FUBP3: variants seen among roughly 807,000 people sequenced by gnomAD.
FUBP3 encodes the protein far upstream element binding protein 3, also known as far upstream element-binding protein 3.
In FUBP3, 28 loss-of-function variants were observed where a neutral mutation model predicts 85.6. The ratio of observed to expected loss-of-function variants is 0.33; its 90% CI spans 0.24 to 0.45. FUBP3 has a LOEUF of 0.45. Ranked by LOEUF, FUBP3 falls within the 20% of genes least tolerant of loss-of-function variation. The probability of loss-of-function intolerance (pLI) is 1.00; values close to 1 mark genes in which losing one functional copy is unlikely to be tolerated. For synonymous variants in FUBP3, 271 were observed against 271.4 expected, an observed-to-expected ratio of 1.00 and a Z score of 0.01; for missense variants, 583 against 755.1, an observed-to-expected ratio of 0.77 and a Z score of 2.67.
rs867776214 is a variant in FUBP3 at position 130,607,230 on chromosome 9, C to T, written c.191-2724C>T. Among the ~76,000 whole-genome samples the T allele has an allele frequency of 2.7e-4, 41 of 152,174 alleles. No individual in the cohort carries two copies. In the Middle Eastern group the frequency reaches 0.02, roughly 76 times the overall value. On this transcript the variant is annotated intron_variant, in intron 2 of 18. Transcript: ENST00000319725. ...CAAGTTATCTGCCTGCCTTGGCCTC[C>T]CAAAGTGCTGGGATTACAGGCATGA...
chr9:130,622,817 A>G lies in FUBP3; in HGVS notation c.874+7A>G, dbSNP rs764907010. On this transcript the variant is annotated splice_region_variant and intron_variant, in intron 10 of 18. Transcript: ENST00000319725. ...AGGATTCAGTTTAAACCAGGTGGGT[A>G]TGATGATTTAAAAATCCTTAGTGTT... 115 of 1,322,998 alleles carry G rather than the reference A, an allele frequency of 8.7e-5. No homozygotes were observed. In the Admixed American group the frequency reaches 9.1e-4, roughly 10 times the overall value. The allele number at this position is 1,322,998 out of a possible 1,614,324, so 82.0% of individuals were successfully genotyped here.
At chr9:130,610,085 TGTGAAAAA>T (rs1359963436) in intron 3 of FUBP3, 98 bp downstream of exon 3, 1 of 1,002,862 alleles carries the variant, frequency 1.0e-6, no homozygotes, top group Non-Finnish European at 1.6e-6. Flanking sequence ...AGGTTGAGAA[TGTGAAAAA>T]GCATGGGTTA....
intron 1 of FUBP3, chr9:130,581,307 A>C (rs41297239): frequency 6.6e-5 from 10 of 152,308 alleles, no homozygotes; most frequent in Non-Finnish European, 1.0e-4. Context: ...ATGCTGACCT[A>C]ATGTGGATTG....
At chr9:130,580,462 A>G (rs1211142278) in intron 1 of FUBP3, among the ~76,000 whole-genome samples, 1 of 152,214 alleles carries the variant, frequency 6.6e-6, no homozygotes, top group Non-Finnish European at 1.5e-5. Context: ...CCTGCCAAAA[A>G]TACTTACTGG....
intron 2 of FUBP3, among the ~76,000 whole-genome samples, chr9:130,599,234 G>C (rs968124489): frequency 6.6e-6 from 1 of 152,154 alleles, no homozygotes; most frequent in African/African-American, 2.4e-5. Flanking sequence ...GGAGGTTGCA[G>C]TGAGCCAAGA....
intron 2 of FUBP3, chr9:130,596,646 G>C (rs964907316): frequency 1.6e-5 from 7 of 437,364 alleles, no homozygotes; most frequent in Middle Eastern, 6.6e-4. Context: ...ACAGGCATGA[G>C]CCACCATGCC....
rs766162462 is a variant in FUBP3, at chr9:130,623,728, A to G, written c.975+17A>G. The G allele has an allele frequency of 2.6e-6, 4 of 1,552,822 alleles. No homozygotes were observed. The highest frequency in any genetic ancestry group is 3.6e-6 in the Non-Finnish European group (4 of 1,125,074). ...ACAGCCCAGGTGGGTCCAGCTCTGC[A>G]GAGTGTGAGTGTTTGGGCTGCAGAA... On this transcript the variant is annotated intron_variant, in intron 11 of 18. Coordinates refer to ENST00000319725, the MANE Select transcript of FUBP3 (RefSeq NM_003934.2).
At chr9:130,591,610 G>A (rs765469412) in intron 1 of FUBP3, among the ~76,000 whole-genome samples, 12 of 152,164 alleles carry the variant, frequency 7.9e-5, no homozygotes, top group Non-Finnish European at 1.6e-4. Context: ...ACATTGTAAT[G>A]TTGAACTCAT....
At chr9:130,586,794 A>G (rs1179758892) in intron 1 of FUBP3, among the ~76,000 whole-genome samples, 1 of 129,560 alleles carries the variant, frequency 7.7e-6, no homozygotes, top group African/African-American at 2.9e-5. Context: ...TCTGTCACCC[A>G]GGCTGGAGTG....
Position 130,622,703 on chromosome 9 carries a change from C to T in FUBP3, c.772-5C>T. 1.4e-6 allele frequency: 2 copies of T among 1,475,298 alleles called. No homozygotes were observed. Among genetic ancestry groups the T allele is most frequent in the Middle Eastern group, 1.7e-4 (1 of 5,720 alleles). 91.4% of individuals were successfully genotyped at this position (1,475,298 alleles called of 1,614,324 possible). Reference sequence around the variant, plus strand: ...TCTGATGTGGTTTGGTTTCTCTGTGCCTAGGTATCTGTGCCTAGGTTTGCT... The same window carrying T: ...TCTGATGTGGTTTGGTTTCTCTGTGTCTAGGTATCTGTGCCTAGGTTTGCT... On this transcript the variant is annotated splice_region_variant and splice_polypyrimidine_tract_variant and intron_variant, in intron 9 of 18. Transcript: ENST00000319725.
At chr9:130,584,354 C>T (rs1332832107) in intron 1 of FUBP3, among the ~76,000 whole-genome samples, 1 of 151,594 alleles carries the variant, frequency 6.6e-6, no homozygotes, top group African/African-American at 2.4e-5. Context: ...GTGGCAAAAC[C>T]CCATCTCTGC....
Position 130,617,794 on chromosome 9 carries a change from C to G in FUBP3, c.568-3C>G. The G allele has an allele frequency of 6.4e-7, 1 of 1,567,684 alleles. No individual in the cohort carries two copies. The highest frequency in any genetic ancestry group is 8.8e-7 in the Non-Finnish European group (1 of 1,137,638). On this transcript the variant is annotated splice_region_variant and splice_polypyrimidine_tract_variant and intron_variant, in intron 7 of 18. Coordinates refer to ENST00000319725, the MANE Select transcript of FUBP3 (RefSeq NM_003934.2). ...AGGCTGTGCTGGTGTGTGTTCCCCA[C>G]AGGAGCGGACAGGGGTGAAGATGGT... is the stretch of plus-strand genomic sequence containing the variant.
At chr9:130,607,016 G>A (rs1311033711) in intron 2 of FUBP3, among the ~76,000 whole-genome samples, 3 of 152,094 alleles carry the variant, frequency 2.0e-5, no homozygotes, top group Admixed American at 2.0e-4. Context: ...TGTCACCCAG[G>A]CTGGAGTGCA....
intron 3 of FUBP3, 128 bp downstream of exon 3, chr9:130,610,115 G>A: frequency 1.3e-6 from 1 of 748,376 alleles, no homozygotes; most frequent in Non-Finnish European, 2.3e-6. Flanking sequence ...GCTTCTTTAA[G>A]ACTCGAGTTT....
chr9:130,613,164 C>T (rs1309057262), intron 5 of FUBP3, 137 bp downstream of exon 5: 1 of 629,962 alleles, frequency 1.6e-6, no homozygotes, highest in East Asian at 2.7e-5. Context: ...AGTTGGACTC[C>T]TAAATGAGAA....
chr9:130,606,640 G>A (rs1831462386), intron 2 of FUBP3, among the ~76,000 whole-genome samples: 1 of 152,008 alleles, frequency 6.6e-6, no homozygotes, highest in Admixed American at 6.6e-5. Flanking sequence ...GACCAACATG[G>A]AGAAACCCCG....
intron 3 of FUBP3, among the ~76,000 whole-genome samples, chr9:130,611,648 T>C (rs1831749773): frequency 8.7e-6 from 1 of 115,080 alleles, no homozygotes; most frequent in Admixed American, 8.6e-5. Context: ...AATGCTTGCC[T>C]TTTTTTTTTT....
chr9:130,607,859 CCTCTCAGTGATGCGG>C (rs1348058662), intron 2 of FUBP3, among the ~76,000 whole-genome samples: 1 of 152,228 alleles, frequency 6.6e-6, no homozygotes, highest in African/African-American at 2.4e-5. Flanking sequence ...AACCTGATTT[CCTCTCAGTGATGCGG>C]CTCTCAGCAG....
intron 1 of FUBP3, among the ~76,000 whole-genome samples, chr9:130,594,397 A>G (rs1424931384): frequency 1.3e-5 from 2 of 152,046 alleles, no homozygotes; most frequent in Non-Finnish European, 2.9e-5. Flanking sequence ...AGCCTGGCCA[A>G]CGTGGTGAAA....
Sources: gnomAD v4.1 joint callset for allele counts (sites outside exome capture counted in the v4.1 genomes callset) on GRCh38, gnomAD v4.1.1 for gene constraint, MANE v1.5 for transcripts, NCBI Gene and HGNC (gene_info 2026-07-23, HGNC 2026-07-21) for gene names.